LRRC72: variants seen among roughly 807,000 people sequenced by gnomAD.
The protein encoded by LRRC72 is leucine-rich repeat-containing protein 72.
Under a neutral mutation model 35.8 loss-of-function variants are expected in LRRC72, and 41 were observed. The ratio of observed to expected loss-of-function variants is 1.15; its 90% CI spans 0.89 to 1.49. The LOEUF (loss-of-function observed/expected upper bound fraction) is 1.49, where lower values mean the gene tolerates loss of function less well. Among genes scored for constraint, LRRC72 ranks in the 40% most tolerant of loss-of-function variants. LRRC72 has a pLI of 0.00. For synonymous variants in LRRC72, 118 were observed against 119.2 expected (o/e 0.99, Z 0.07); for missense variants, 389 against 330.7 (o/e 1.18, Z -1.37).
At chr7:16,548,142 G>A (rs1024960749) in intron 3 of LRRC72, among the ~76,000 whole-genome samples, 1 of 152,190 alleles carries the variant, frequency 6.6e-6, no homozygotes, top group African/African-American at 2.4e-5. Flanking sequence ...CACTTGTTGG[G>A]GCACCCTTGC....
At chr7:16,567,114 T>C (rs1213649977) in intron 6 of LRRC72, among the ~76,000 whole-genome samples, 1 of 152,158 alleles carries the variant, frequency 6.6e-6, no homozygotes, top group Non-Finnish European at 1.5e-5. Context: ...GGATGTTTCA[T>C]GCTAAAATTT....
At chr7:16,554,773 A>T (rs1459700450) in intron 3 of LRRC72, among the ~76,000 whole-genome samples, 1 of 152,192 alleles carries the variant, frequency 6.6e-6, no homozygotes, top group East Asian at 1.9e-4. Flanking sequence ...AAGGATGTTA[A>T]TGCTCGTGGG....
rs186458862 is a variant in LRRC72 at position 16,555,598 on chromosome 7, C to A, written c.235-1762C>A. Among the ~76,000 whole-genome samples the A allele has an allele frequency of 1.8e-3, 270 of 152,214 alleles. 1 individual carries two copies. Among genetic ancestry groups the A allele is most frequent in the African/African-American group, 6.2e-3 (258 of 41,542 alleles). On this transcript the variant is annotated intron_variant, in intron 3 of 8. Coordinates refer to ENST00000401542, the MANE Select transcript of LRRC72 (RefSeq NM_001195280.2). ...GACCAGCGTGGCCAACATAGTGAAA[C>A]CCCATCTCTACTAAAAATAAAAAAT...
chr7:16,549,061 T>C (rs1193115520), intron 3 of LRRC72, among the ~76,000 whole-genome samples: 1 of 152,174 alleles, frequency 6.6e-6, no homozygotes, highest in Non-Finnish European at 1.5e-5. Flanking sequence ...GAAGAATGAG[T>C]AAATAAAAAC....
intron 5 of LRRC72, among the ~76,000 whole-genome samples, chr7:16,566,108 A>T (rs1397948793): frequency 6.6e-6 from 1 of 152,200 alleles, no homozygotes; most frequent in East Asian, 1.9e-4. Flanking sequence ...CACTTGGTAA[A>T]TATTTGTTGA....
intron 7 of LRRC72, among the ~76,000 whole-genome samples, chr7:16,574,700 T>C (rs184860907): frequency 5.5e-4 from 83 of 152,158 alleles, no homozygotes; most frequent in African/African-American, 1.9e-3. Context: ...CTAAAGTAAC[T>C]GATGGGTTGA....
intron 5 of LRRC72, among the ~76,000 whole-genome samples, chr7:16,563,212 A>T (rs1195790469): frequency 6.6e-6 from 1 of 152,196 alleles, no homozygotes; most frequent in Admixed American, 6.5e-5. Context: ...GTTCATTTAA[A>T]TAATGATTTT....
chr7:16,544,230 T>C (rs986576605), intron 3 of LRRC72, among the ~76,000 whole-genome samples: 27 of 152,180 alleles, frequency 1.8e-4, no homozygotes, highest in African/African-American at 5.1e-4. Context: ...TTCAAATCAT[T>C]ATCTAGTGGG....
intron 5 of LRRC72, among the ~76,000 whole-genome samples, chr7:16,561,078 T>G (rs1166667734): frequency 6.6e-6 from 1 of 152,210 alleles, no homozygotes; most frequent in African/African-American, 2.4e-5. Flanking sequence ...ATTCATTCAT[T>G]CAATAAATAT....
intron 3 of LRRC72, among the ~76,000 whole-genome samples, chr7:16,540,761 A>T (rs901377566): frequency 6.6e-6 from 1 of 152,060 alleles, no homozygotes; most frequent in African/African-American, 2.4e-5. Flanking sequence ...GCTCTTTCTC[A>T]CCTGCCACCA....
At chr7:16,577,695 A>G (rs1321058065) in intron 7 of LRRC72, among the ~76,000 whole-genome samples, 1 of 152,244 alleles carries the variant, frequency 6.6e-6, no homozygotes, top group African/African-American at 2.4e-5. Flanking sequence ...CATAATTTCT[A>G]AAGGACATCT....
chr7:16,529,484 C>G (rs1489079764), intron 1 of LRRC72, among the ~76,000 whole-genome samples: 1 of 152,042 alleles, frequency 6.6e-6, no homozygotes, highest in Non-Finnish European at 1.5e-5. Context: ...GCTTAAGGGA[C>G]CACGAACTGT....
At chr7:16,539,229 T>C (rs1782314449) in intron 3 of LRRC72, among the ~76,000 whole-genome samples, 1 of 152,156 alleles carries the variant, frequency 6.6e-6, no homozygotes, top group African/African-American at 2.4e-5. Context: ...GAGGAACTTA[T>C]TGGAAACTGG....
At chr7:16,534,510 C>T (rs913486880) in intron 2 of LRRC72, among the ~76,000 whole-genome samples, 4 of 151,914 alleles carry the variant, frequency 2.6e-5, no homozygotes, top group African/African-American at 9.7e-5. Context: ...GAAAATTCAA[C>T]ATTGATATTA....
intron 3 of LRRC72, among the ~76,000 whole-genome samples, chr7:16,556,077 A>T (rs1782645052): frequency 6.6e-6 from 1 of 152,010 alleles, no homozygotes; most frequent in African/African-American, 2.4e-5. Context: ...TACTAAAAAA[A>T]AAAAATAGGC....
chr7:16,572,388 A>G (rs1177792322), intron 7 of LRRC72, among the ~76,000 whole-genome samples: 2 of 152,188 alleles, frequency 1.3e-5, no homozygotes, highest in African/African-American at 4.8e-5. Context: ...GACGAACATC[A>G]GTGCAAAAAT....
intron 3 of LRRC72, among the ~76,000 whole-genome samples, chr7:16,539,660 C>T (rs191073123): frequency 5.9e-5 from 9 of 152,284 alleles, no homozygotes; most frequent in Admixed American, 5.2e-4. Context: ...AGGCCCAGGG[C>T]CCCGCTGCTC....
intron 3 of LRRC72, among the ~76,000 whole-genome samples, chr7:16,555,013 A>T (rs1782626076): frequency 6.6e-6 from 1 of 152,200 alleles, no homozygotes; most frequent in Non-Finnish European, 1.5e-5. Flanking sequence ...TGAGAGGAAG[A>T]ACAGAAGGCA....
chr7:16,535,065 T>C (rs1782230061), intron 2 of LRRC72, among the ~76,000 whole-genome samples: 4 of 152,064 alleles, frequency 2.6e-5, no homozygotes, highest in Admixed American at 2.0e-4. Flanking sequence ...GGCATGCACC[T>C]GTGGTCCCAG....
Sources: allele counts gnomAD v4.1 joint callset (sites outside exome capture counted in the v4.1 genomes callset), GRCh38; gene constraint gnomAD v4.1.1; transcripts MANE v1.5; gene names NCBI Gene and HGNC (gene_info 2026-07-23, HGNC 2026-07-21).